Variants in RPTOR observed in about 807,000 individuals in gnomAD.
RPTOR encodes regulatory-associated protein of mTOR.
A neutral mutation model predicts 169.9 loss-of-function variants in RPTOR; 21 were observed. The observed-to-expected ratio is 0.12, with a 90% CI of 0.09 to 0.18. The LOEUF (loss-of-function observed/expected upper bound fraction) is 0.18. Ranked by LOEUF, RPTOR falls within the 10% of genes least tolerant of loss-of-function variation. The pLI, the probability that RPTOR is intolerant of heterozygous loss-of-function variation, is 1.00. For synonymous variants in RPTOR, 732 were observed against 753.2 expected (o/e 0.97, Z 0.46); for missense variants, 1,133 against 1,855.9 (o/e 0.61, Z 7.16).
chr17:80,824,500 T>G (rs962835609), intron 9 of RPTOR, among the ~76,000 whole-genome samples: 1 of 152,242 alleles, frequency 6.6e-6, no homozygotes, highest in African/African-American at 2.4e-5. Context: ...GAGTATATTC[T>G]CAAAATGGCC....
intron 8 of RPTOR, among the ~76,000 whole-genome samples, chr17:80,822,842 C>G (rs2067396163): frequency 6.6e-6 from 1 of 151,934 alleles, no homozygotes; most frequent in Non-Finnish European, 1.5e-5. Context: ...TGTATAGGTA[C>G]ACACCTGTGC....
At chr17:80,687,312 C>T (rs1163172259) in intron 3 of RPTOR, among the ~76,000 whole-genome samples, 2 of 152,216 alleles carry the variant, frequency 1.3e-5, no homozygotes, top group East Asian at 3.8e-4. Context: ...TCACATGCAC[C>T]ATGGGGTGCT....
At position 80,953,417 on chromosome 17, in the gene RPTOR, C is replaced by T. The variant is rs183831458; in HGVS notation, c.3370+3870C>T. On this transcript the variant is annotated intron_variant, in intron 28 of 33. Transcript: ENST00000306801. ...TCCTGAGTAGCTGGGACCACAGGCC[C>T]ATGCCCCACACCCAGCTCCCATAAG... Among the ~76,000 whole-genome samples the T allele has an allele frequency of 9.0e-4, 137 of 152,322 alleles. 1 individual carries two copies. Among genetic ancestry groups the T allele is most frequent in the Admixed American group, 4.8e-3 (73 of 15,306 alleles).
At chr17:80,841,356 T>A (rs1249974979) in intron 10 of RPTOR, among the ~76,000 whole-genome samples, 6 of 121,278 alleles carry the variant, frequency 4.9e-5, no homozygotes, top group African/African-American at 2.1e-4. Flanking sequence ...CAGCTCGCTC[T>A]CTCTGCACCG....
chr17:80,917,206 A>G (rs1444974577), intron 21 of RPTOR, among the ~76,000 whole-genome samples: 1 of 149,170 alleles, frequency 6.7e-6, no homozygotes, highest in African/African-American at 2.5e-5. Flanking sequence ...TCCATCTCCC[A>G]GGTTCAAGCA....
chr17:80,954,912 A>C (rs997262330), intron 28 of RPTOR, among the ~76,000 whole-genome samples: 2 of 152,262 alleles, frequency 1.3e-5, no homozygotes, highest in East Asian at 1.9e-4. Context: ...GTGAGACTAC[A>C]TCTCAAAAAA....
At chr17:80,906,442 G>A (rs975992585) in intron 20 of RPTOR, among the ~76,000 whole-genome samples, 4 of 152,340 alleles carry the variant, frequency 2.6e-5, no homozygotes, top group South Asian at 2.1e-4. Context: ...GCAGGACCAC[G>A]GTTGAGCAGA....
chr17:80,854,562 T>C (rs950444341), intron 11 of RPTOR, among the ~76,000 whole-genome samples: 4 of 152,258 alleles, frequency 2.6e-5, no homozygotes, highest in Admixed American at 2.0e-4. Context: ...CATGTGCCGA[T>C]GTACCCATTA....
At chr17:80,887,039 C>G (rs985932721) in intron 17 of RPTOR, among the ~76,000 whole-genome samples, 2 of 152,054 alleles carry the variant, frequency 1.3e-5, no homozygotes, top group South Asian at 4.2e-4. Flanking sequence ...CAGCTCTTAC[C>G]TGGTTATGGA....
chr17:80,782,747 C>T (rs1048687955), intron 6 of RPTOR, among the ~76,000 whole-genome samples: 1 of 152,244 alleles, frequency 6.6e-6, no homozygotes, highest in Non-Finnish European at 1.5e-5. Flanking sequence ...CTCCAGTCCT[C>T]TGTGGCTGTC....
At chr17:80,931,140 G>GC (rs1567994359) in intron 24 of RPTOR, among the ~76,000 whole-genome samples, 1 of 152,180 alleles carries the variant, frequency 6.6e-6, no homozygotes, top group Non-Finnish European at 1.5e-5. Flanking sequence ...TCTGGTAAAA[G>GC]CCGCAGCCTG....
At position 80,908,923 on chromosome 17, in the gene RPTOR, C is replaced by G. The variant is rs1195894669; in HGVS notation, c.2514C>G (p.Ala838=). 1.9e-6 allele frequency: 3 copies of G among 1,612,490 alleles called. No homozygotes were observed. Among genetic ancestry groups the G allele is most frequent in the Middle Eastern group, 1.7e-4 (1 of 6,044 alleles). The part of the protein sequence containing the change: ...DVAMKVLNSI[A]YKATVNARPQ... ...CCATGAAAGTACTCAACAGCATCGC[C>G]TACAAGGTACGTGCCGGGCGCTCCC... The change falls in exon 21 of 34, where the codon GCC becomes GCG. Residue 838 remains alanine (A), a synonymous_variant. Transcript: ENST00000306801.
At chr17:80,643,152 G>T (rs902175488) in intron 2 of RPTOR, among the ~76,000 whole-genome samples, 10 of 152,158 alleles carry the variant, frequency 6.6e-5, no homozygotes, top group African/African-American at 2.4e-4. Flanking sequence ...GGGGTCCTGA[G>T]ACCAAACAAG....
chr17:80,886,100 C>T (rs2672879), intron 17 of RPTOR, among the ~76,000 whole-genome samples: 5,479 of 152,316 alleles, frequency 0.036, 148 homozygotes, highest in South Asian at 0.069. Context: ...TGGCCACCCT[C>T]GTGCGTTCCC....
intron 7 of RPTOR, among the ~76,000 whole-genome samples, chr17:80,809,100 G>C (rs1213955015): frequency 6.6e-6 from 1 of 152,260 alleles, no homozygotes; most frequent in Admixed American, 6.5e-5. Flanking sequence ...GTTTTCCAAA[G>C]TGGTTTGCTG....
At chr17:80,744,124 C>CAGCCCTGGTTACTAGCAG (rs2066530914) in intron 5 of RPTOR, among the ~76,000 whole-genome samples, 1 of 36,122 alleles carries the variant, frequency 2.8e-5, no homozygotes, top group Non-Finnish European at 6.5e-5. Flanking sequence ...GTTACTAGCA[C>CAGCCCTGGTTACTAGCAG]AGCCCTGGCT....
At chr17:80,852,239 C>T (rs573220034) in intron 11 of RPTOR, among the ~76,000 whole-genome samples, 4 of 152,290 alleles carry the variant, frequency 2.6e-5, no homozygotes, top group African/African-American at 4.8e-5. Flanking sequence ...CTGTTGTCTC[C>T]GTTTTTCTTG....
chr17:80,923,150 A>T (rs557898409), intron 22 of RPTOR, among the ~76,000 whole-genome samples: 11 of 152,348 alleles, frequency 7.2e-5, no homozygotes, highest in African/African-American at 2.2e-4. Flanking sequence ...GGTAACCAAC[A>T]GGTGTTTGCA....
intron 4 of RPTOR, among the ~76,000 whole-genome samples, chr17:80,719,431 C>G (rs2066266704): frequency 6.6e-6 from 1 of 152,152 alleles, no homozygotes; most frequent in Non-Finnish European, 1.5e-5. Context: ...CATCTTCTGC[C>G]AGAGAACTCA....
Sources: allele counts gnomAD v4.1 joint callset (sites outside exome capture counted in the v4.1 genomes callset), GRCh38; gene constraint gnomAD v4.1.1; transcripts MANE v1.5; gene names NCBI Gene and HGNC (gene_info 2026-07-23, HGNC 2026-07-21).